ASIC2: variants seen among roughly 807,000 people sequenced by gnomAD.
ASIC2 encodes acid-sensing ion channel 2.
ASIC2 carries 25 observed loss-of-function variants against 57.3 expected under a neutral mutation model. That is an observed-to-expected ratio of 0.44 (90% CI 0.32 to 0.61). The LOEUF is 0.61. Among genes scored for constraint, ASIC2 ranks in the 20% least tolerant of loss-of-function variants. The pLI is 0.06. For missense variants in ASIC2, 641 were observed against 738.1 expected (o/e 0.87, Z 1.52); for synonymous variants, 319 against 307.5 (o/e 1.04, Z -0.39).
intron 3 of ASIC2, among the ~76,000 whole-genome samples, chr17:33,087,550 G>T (rs2092139099): frequency 6.7e-6 from 1 of 148,998 alleles, no homozygotes; most frequent in Non-Finnish European, 1.5e-5. Context: ...AAACAATATA[G>T]CTCACGTATA....
intron 1 of ASIC2, among the ~76,000 whole-genome samples, chr17:33,916,980 G>A (rs1307374205): frequency 6.6e-6 from 1 of 152,154 alleles, no homozygotes; most frequent in Non-Finnish European, 1.5e-5. Context: ...GAGTGGTGGT[G>A]TGGGTGGTCC....
chr17:33,131,972 G>A (rs759601489), intron 1 of ASIC2, among the ~76,000 whole-genome samples: 3 of 152,128 alleles, frequency 2.0e-5, no homozygotes, highest in Non-Finnish European at 4.4e-5. Flanking sequence ...TCCTGAGACA[G>A]GAGAAAACCA....
intron 1 of ASIC2, among the ~76,000 whole-genome samples, chr17:33,613,299 CA>C (rs530796325): frequency 1.6e-3 from 247 of 151,168 alleles, no homozygotes; most frequent in African/African-American, 5.5e-3. Flanking sequence ...TGCCTCTGCT[CA>C]AAACTGGATA....
At chr17:33,197,006 A>C (rs1406667116) in intron 1 of ASIC2, among the ~76,000 whole-genome samples, 1 of 152,198 alleles carries the variant, frequency 6.6e-6, no homozygotes, top group Non-Finnish European at 1.5e-5. Flanking sequence ...GGTGGAGAAG[A>C]TGGGCACTGA....
Position 33,524,102 on chromosome 17 carries a change from G to A in ASIC2, c.556-412035C>T, listed in dbSNP as rs534488644. 3.3e-5 allele frequency among the ~76,000 whole-genome samples: 5 copies of A among 152,228 alleles called. No individual in the cohort carries two copies. The East Asian group carries it at 9.7e-4, about 29-fold the overall frequency. On this transcript the variant is annotated intron_variant, in intron 1 of 9. Coordinates refer to the ASIC2 transcript ENST00000359872. ...TCAGCATGCCCCTGGGCCAATGCTG[G>A]TGTCCTAGTCTGGCTGGGCTCAGGA...
intron 1 of ASIC2, among the ~76,000 whole-genome samples, chr17:33,887,434 T>C (rs1376261759): frequency 1.3e-5 from 2 of 152,104 alleles, no homozygotes; most frequent in African/African-American, 2.4e-5. Context: ...GAAGGCTTCC[T>C]GGAGGATATA....
chr17:33,679,999 G>A (rs558137624), intron 1 of ASIC2, among the ~76,000 whole-genome samples: 6 of 152,198 alleles, frequency 3.9e-5, no homozygotes, highest in African/African-American at 1.4e-4. Flanking sequence ...GAAACAGAGG[G>A]CAGCATATGA....
chr17:33,640,082 T>C lies in ASIC2; in HGVS notation c.555+515896A>G, dbSNP rs533905402. Among the ~76,000 whole-genome samples the C allele has an allele frequency of 2.3e-4, 35 of 152,204 alleles. No individual in the cohort carries two copies. The South Asian group carries it at 7.3e-3, about 32-fold the overall frequency. On this transcript the variant is annotated intron_variant, in intron 1 of 9. Transcript: ENST00000359872. ...TCGCTGTGTCGGATCCTGGCCTCTT[T>C]CTTGAGGATAATTCGGGTAGGGGAT...
chr17:33,797,626 TG>T (rs919820081), intron 1 of ASIC2, among the ~76,000 whole-genome samples: 18 of 152,352 alleles, frequency 1.2e-4, no homozygotes, highest in East Asian at 7.7e-4. Flanking sequence ...GTTCATTCAC[TG>T]GTCCAACAGA....
At chr17:33,758,756 G>A (rs1567708084) in intron 1 of ASIC2, among the ~76,000 whole-genome samples, 1 of 152,066 alleles carries the variant, frequency 6.6e-6, no homozygotes, top group African/African-American at 2.4e-5. Flanking sequence ...GCCGCCCCAG[G>A]ACTCTGCAAA....
intron 1 of ASIC2, among the ~76,000 whole-genome samples, chr17:33,597,434 A>G (rs1013038117): frequency 6.6e-6 from 1 of 152,206 alleles, no homozygotes; most frequent in Non-Finnish European, 1.5e-5. Context: ...TGCATAGGAC[A>G]TGTAGAACTG....
intron 1 of ASIC2, among the ~76,000 whole-genome samples, chr17:33,993,271 T>C (rs201957200): frequency 6.6e-6 from 1 of 152,082 alleles, no homozygotes. Context: ...TCCTCCCCAG[T>C]TGGTATGGTT....
In ASIC2 at chr17:34,156,423, G is replaced by T; in HGVS notation, c.110C>A (p.Pro37Gln). The T allele has an allele frequency of 6.2e-7, 1 of 1,614,186 alleles. No homozygotes were observed. Residue 37 changes from proline to glutamine, a missense_variant, in exon 1 of 10, where the codon CCG becomes CAG. Coordinates refer to the ASIC2 transcript ENST00000359872. This position sits in a 1 kb window ranked among gnomAD's most constrained non-coding sequence, Gnocchi z 4.4. The stretch of plus-strand genomic sequence containing the variant: ...CCACAGCACACGCCGGATGGTCAGC[G>T]GCCCATACACGAAGATGTGGCGGAT...
intron 1 of ASIC2, among the ~76,000 whole-genome samples, chr17:33,611,312 T>C (rs72827219): frequency 2.0e-3 from 308 of 152,292 alleles, no homozygotes; most frequent in Non-Finnish European, 3.3e-3. Flanking sequence ...TGATCTATGT[T>C]CTGCAAGCTC....
chr17:33,616,263 T>TG (rs963231684), intron 1 of ASIC2, among the ~76,000 whole-genome samples: 59 of 11,776 alleles, frequency 5.0e-3, no homozygotes, highest in South Asian at 0.01. Flanking sequence ...TGGGGGTGGG[T>TG]GGGGGGGTGG....
At chr17:33,634,041 C>G (rs1304965081) in intron 1 of ASIC2, among the ~76,000 whole-genome samples, 1 of 152,316 alleles carries the variant, frequency 6.6e-6, no homozygotes, top group Non-Finnish European at 1.5e-5. Flanking sequence ...CTGGTGGGTG[C>G]TGCTAGACCA....
Position 34,018,930 on chromosome 17 carries a change from C to T in ASIC2, c.555+137048G>A, listed in dbSNP as rs376074038. Reference sequence around the variant, plus strand: ...TTTTTGTTTGTTTTTTTTTTTGAGACGGAGTCTCGCTCTGTCACCCAGGCT... The same window carrying T: ...TTTTTGTTTGTTTTTTTTTTTGAGATGGAGTCTCGCTCTGTCACCCAGGCT... On this transcript the variant is annotated intron_variant, in intron 1 of 9. Coordinates refer to the ASIC2 transcript ENST00000359872. 3.9e-4 allele frequency among the ~76,000 whole-genome samples: 59 copies of T among 151,086 alleles called. 1 individual carries two copies. The highest frequency in any genetic ancestry group is 7.0e-4 in the African/African-American group (29 of 41,172).
At chr17:34,073,598 A>G (rs1180826170) in intron 1 of ASIC2, among the ~76,000 whole-genome samples, 1 of 152,224 alleles carries the variant, frequency 6.6e-6, no homozygotes, top group East Asian at 1.9e-4. Flanking sequence ...AGTATCGGGG[A>G]CCCATAATGT....
At chr17:33,775,497 G>T (rs1427490169) in intron 1 of ASIC2, among the ~76,000 whole-genome samples, 1 of 152,170 alleles carries the variant, frequency 6.6e-6, no homozygotes, top group East Asian at 1.9e-4. Flanking sequence ...GAGATCTGTA[G>T]GTGCGAAACG....
Sources: gnomAD v4.1 joint callset for allele counts (sites outside exome capture counted in the v4.1 genomes callset) on GRCh38, gnomAD v4.1.1 for gene constraint, Gnocchi (gnomAD v3.1) non-coding constraint, MANE v1.5 for transcripts, NCBI Gene and HGNC (gene_info 2026-07-23, HGNC 2026-07-21) for gene names.